The following GPC5 variants were observed in gnomAD, a reference collection of about 807,000 sequenced individuals.
GPC5 encodes the protein glypican-5.
A neutral mutation model predicts 53.9 loss-of-function variants in GPC5; 47 were observed. The ratio of observed to expected loss-of-function variants is 0.87; its 90% confidence interval spans 0.69 to 1.11. The LOEUF (loss-of-function observed/expected upper bound fraction) is 1.11, where lower values mean the gene tolerates loss of function less well. Ranked by LOEUF, GPC5 falls within the 50% of genes most tolerant of loss-of-function variation. The pLI is 0.00. For synonymous variants in GPC5, 286 were observed against 263.3 expected (o/e 1.09, Z -0.84); for missense variants, 748 against 713.1 (o/e 1.05, Z -0.56).
intron 2 of GPC5, 74 bp from the exon 3 acceptor site, chr13:91,693,113 A>T: frequency 9.4e-7 from 1 of 1,069,510 alleles, no homozygotes. Flanking sequence ...TGAGTCATTT[A>T]ATGTCTGGAG....
At chr13:91,608,580 AG>A (rs2033447482) in intron 2 of GPC5, among the ~76,000 whole-genome samples, 1 of 152,188 alleles carries the variant, frequency 6.6e-6, no homozygotes, top group African/African-American at 2.4e-5. Flanking sequence ...AGCAGCAGAT[AG>A]GCATGTTATG....
At chr13:92,007,471 AGTCT>A (rs1283048871) in intron 6 of GPC5, among the ~76,000 whole-genome samples, 4 of 152,122 alleles carry the variant, frequency 2.6e-5, no homozygotes, top group African/African-American at 7.2e-5. Context: ...CATTATAAAG[AGTCT>A]GTCTTTATTC....
intron 5 of GPC5, among the ~76,000 whole-genome samples, chr13:91,864,745 A>G (rs560699998): frequency 1.5e-3 from 232 of 152,312 alleles, no homozygotes; most frequent in African/African-American, 5.0e-3. Context: ...GAGATAGAAT[A>G]TCCAAAGTTT....
chr13:91,664,513 T>C (rs11843168), intron 2 of GPC5, among the ~76,000 whole-genome samples: 38,364 of 152,206 alleles, frequency 0.25, 6,718 homozygotes, highest in African/African-American at 0.49. Flanking sequence ...TACTTACTGC[T>C]CTTAGAGGCA....
rs757933862 is a variant in GPC5 at position 91,399,060 on chromosome 13, C to T, written c.14C>T (p.Thr5Ile). 1.9e-6 allele frequency: 3 copies of T among 1,560,680 alleles called. No individual in the cohort carries two copies. The highest frequency in any genetic ancestry group is 2.4e-5 in the East Asian group (1 of 41,464). ...AGGACGGCGAGGATGGACGCACAGA[C>T]CTGGCCCGTGGGCTTTCGCTGCCTC... MDAQTWPVGFRCLLL... is the reference protein window; with the variant it reads MDAQIWPVGFRCLLL... Residue 5 changes from threonine to isoleucine, a missense_variant, in exon 1 of 8, where the codon ACC becomes ATC. Thr to Ile is a moderately conservative substitution (Grantham distance 89). Coordinates refer to ENST00000377067, the MANE Select transcript of GPC5 (RefSeq NM_004466.6).
intron 2 of GPC5, among the ~76,000 whole-genome samples, chr13:91,574,559 A>G (rs74823412): frequency 0.012 from 1,778 of 152,264 alleles, 37 homozygotes; most frequent in African/African-American, 0.04. Context: ...ATATGCAATC[A>G]GAAAGGAGTC....
At chr13:92,483,729 A>G (rs1161489882) in intron 7 of GPC5, among the ~76,000 whole-genome samples, 6 of 151,998 alleles carry the variant, frequency 3.9e-5, no homozygotes, top group Non-Finnish European at 7.4e-5. Flanking sequence ...AGCTTAAAAC[A>G]TACTGTACAG....
chr13:92,791,497 G>T (rs1876462759), intron 7 of GPC5, among the ~76,000 whole-genome samples: 1 of 151,794 alleles, frequency 6.6e-6, no homozygotes. Context: ...CAGCCTAGTT[G>T]CAAGCAATAA....
intron 7 of GPC5, among the ~76,000 whole-genome samples, chr13:92,831,770 T>C (rs889605347): frequency 1.3e-5 from 2 of 152,186 alleles, no homozygotes; most frequent in Non-Finnish European, 2.9e-5. Context: ...ACGATTTTCT[T>C]TCCCTGTTGA....
chr13:92,282,353 C>G (rs376506797), intron 7 of GPC5, among the ~76,000 whole-genome samples: 4 of 152,078 alleles, frequency 2.6e-5, no homozygotes, highest in African/African-American at 9.7e-5. Flanking sequence ...ACTTCCCCAA[C>G]CTAGCAAGGC....
intron 2 of GPC5, among the ~76,000 whole-genome samples, chr13:91,576,780 A>G (rs897235504): frequency 1.3e-5 from 2 of 152,184 alleles, no homozygotes; most frequent in Middle Eastern, 3.2e-3. Context: ...GAGGAAGCAG[A>G]AATCTCCTGT....
intron 2 of GPC5, among the ~76,000 whole-genome samples, chr13:91,572,023 GTGTGTATATA>G (rs1475548885): frequency 8.1e-6 from 1 of 123,514 alleles, no homozygotes; most frequent in Non-Finnish European, 1.7e-5. Flanking sequence ...ATGCATATAC[GTGTGTATATA>G]TGTGTATATA....
intron 7 of GPC5, among the ~76,000 whole-genome samples, chr13:92,807,123 C>T (rs1877125829): frequency 6.6e-6 from 1 of 151,618 alleles, no homozygotes. Flanking sequence ...AAGTGTTTAG[C>T]ATAATATCTG....
At chr13:92,861,407 C>T (rs1879178043) in intron 7 of GPC5, among the ~76,000 whole-genome samples, 1 of 152,170 alleles carries the variant, frequency 6.6e-6, no homozygotes, top group Non-Finnish European at 1.5e-5. Context: ...GTTACACTCT[C>T]CTCTCTGTCT....
chr13:92,632,744 A>G (rs1249243458), intron 7 of GPC5, among the ~76,000 whole-genome samples: 1 of 152,128 alleles, frequency 6.6e-6, no homozygotes, highest in African/African-American at 2.4e-5. Flanking sequence ...TTACAAAAGA[A>G]AGAGGTTTAA....
At chr13:91,984,659 C>G (rs1014722609) in intron 6 of GPC5, among the ~76,000 whole-genome samples, 1 of 152,134 alleles carries the variant, frequency 6.6e-6, no homozygotes, top group Non-Finnish European at 1.5e-5. Context: ...GTGCATTTCC[C>G]TGGTAACTAA....
chr13:91,541,497 TACC>T (rs991113529), intron 2 of GPC5, among the ~76,000 whole-genome samples: 38 of 152,148 alleles, frequency 2.5e-4, no homozygotes, highest in African/African-American at 8.4e-4. Context: ...TAAGTGCCAA[TACC>T]ACATTGTTTA....
chr13:92,503,849 T>A (rs7993263), intron 7 of GPC5, among the ~76,000 whole-genome samples: 10,087 of 151,988 alleles, frequency 0.066, 1,152 homozygotes, highest in African/African-American at 0.23. Context: ...TTCATATAAC[T>A]ATTTAATTTG....
intron 7 of GPC5, among the ~76,000 whole-genome samples, chr13:92,526,089 C>A (rs1881271237): frequency 1.3e-5 from 2 of 152,112 alleles, no homozygotes; most frequent in African/African-American, 4.8e-5. Flanking sequence ...TGACTTCATG[C>A]TCCCCATCAT....
Sources: allele counts gnomAD v4.1 joint callset (sites outside exome capture counted in the v4.1 genomes callset), GRCh38; gene constraint gnomAD v4.1.1; transcripts MANE v1.5; gene names NCBI Gene and HGNC (gene_info 2026-07-23, HGNC 2026-07-21).